WDR26: variants seen among roughly 807,000 people sequenced by gnomAD.
WDR26 encodes the protein WD repeat-containing protein 26.
A neutral mutation model predicts 84.1 loss-of-function variants in WDR26; 5 were observed. That is an observed-to-expected ratio of 0.06 (90% CI 0.03 to 0.13). The LOEUF (loss-of-function observed/expected upper bound fraction) is 0.13. WDR26 is among the 10% of genes least tolerant of loss of function. The pLI is 1.00. For missense variants in WDR26, 642 were observed against 974.9 expected (o/e 0.66, Z 4.55); for synonymous variants, 415 against 389.6 (o/e 1.07, Z -0.77).
intron 1 of WDR26, 143 bp downstream of exon 1, chr1:224,433,541 G>A: frequency 8.5e-7 from 1 of 1,182,840 alleles, no homozygotes; most frequent in Non-Finnish European, 1.1e-6. Flanking sequence ...GTCCTCCTGT[G>A]TACTGGGTCC....
chr1:224,417,516 T>C (rs1673939431), intron 6 of WDR26, among the ~76,000 whole-genome samples: 1 of 152,140 alleles, frequency 6.6e-6, no homozygotes, highest in Non-Finnish European at 1.5e-5. Flanking sequence ...CAAGACCAGC[T>C]GGGGCAAGAG....
chr1:224,427,103 CCAAAAA>C (rs1482682375), intron 3 of WDR26, among the ~76,000 whole-genome samples: 11 of 91,162 alleles, frequency 1.2e-4, no homozygotes, highest in African/African-American at 3.5e-4. Flanking sequence ...AACTCTGTCT[CCAAAAA>C]AAAAAAAAAA....
intron 12 of WDR26, among the ~76,000 whole-genome samples, chr1:224,396,981 C>A (rs1206050595): frequency 6.6e-6 from 1 of 152,138 alleles, no homozygotes; most frequent in Non-Finnish European, 1.5e-5. Flanking sequence ...CTCTCTTTGT[C>A]CCAATCCTTA....
chr1:224,432,196 T>A (rs1674411647), intron 1 of WDR26, among the ~76,000 whole-genome samples: 1 of 152,252 alleles, frequency 6.6e-6, no homozygotes, highest in South Asian at 2.1e-4. Context: ...AGAGCTTATA[T>A]ATCCAGGTAT....
intron 12 of WDR26, among the ~76,000 whole-genome samples, chr1:224,396,901 GAAAAGAAA>G: frequency 3.0e-5 from 1 of 33,678 alleles, no homozygotes; most frequent in Admixed American, 8.7e-4. Flanking sequence ...AAAAAGAAAA[GAAAAGAAA>G]AGAAAAGAAA....
intron 3 of WDR26, among the ~76,000 whole-genome samples, chr1:224,427,079 G>T: frequency 7.3e-6 from 1 of 136,078 alleles, no homozygotes; most frequent in Non-Finnish European, 1.5e-5. Flanking sequence ...CTCTAGCCTG[G>T]GCAACGAGAG....
In WDR26 at chr1:224,428,694, C is replaced by G. The variant is rs557450697; in HGVS notation, c.927+2783G>C. Among the ~76,000 whole-genome samples, 7 of 150,186 alleles carry G rather than the reference C, an allele frequency of 4.7e-5. No homozygotes were observed. The South Asian group carries it at 1.5e-3, about 32-fold the overall frequency. On this transcript the variant is annotated intron_variant, in intron 3 of 13. Coordinates refer to ENST00000414423, the MANE Select transcript of WDR26 (RefSeq NM_001379403.1). ...GGTGGATCACCTGAGGTCAGGAGTT[C>G]GAGACCAGCCTGACCAACATGGTGA... is the stretch of plus-strand genomic sequence containing the variant.
intron 13 of WDR26, among the ~76,000 whole-genome samples, chr1:224,391,407 T>C (rs1434744183): frequency 6.6e-6 from 1 of 151,764 alleles, no homozygotes; most frequent in African/African-American, 2.4e-5. Flanking sequence ...TTAATTCTAC[T>C]GTTAAAATTT....
chr1:224,390,973 A>G (rs933385988), intron 13 of WDR26, among the ~76,000 whole-genome samples: 3 of 152,170 alleles, frequency 2.0e-5, no homozygotes, highest in African/African-American at 7.2e-5. Context: ...TATAAATGGA[A>G]TCATAATATG....
chr1:224,398,081 T>G lies in WDR26; in HGVS notation c.2074+16A>C. On this transcript the variant is annotated intron_variant, in intron 12 of 13. Transcript: ENST00000414423. Reference sequence around the variant, plus strand: ...TTTAATATCAACATATGTAAACTGATAAGGACACAATTTACCTTCACTGCC... The same window carrying G: ...TTTAATATCAACATATGTAAACTGAGAAGGACACAATTTACCTTCACTGCC... 6.2e-7 allele frequency: 1 copy of G among 1,610,736 alleles called. No homozygotes were observed.
At chr1:224,396,505 AACAG>A (rs759556227) in intron 12 of WDR26, among the ~76,000 whole-genome samples, 6 of 152,216 alleles carry the variant, frequency 3.9e-5, no homozygotes, top group South Asian at 2.1e-4. Flanking sequence ...ATATATTAAA[AACAG>A]ACAGACAAAA....
intron 6 of WDR26, chr1:224,413,289 C>T: frequency 7.3e-6 from 9 of 1,240,738 alleles, no homozygotes; most frequent in Non-Finnish European, 9.4e-6. Context: ...TTCCTTGCTT[C>T]TTTTCCCAAT....
chr1:224,430,449 A>T (rs1031986337), intron 3 of WDR26: 9 of 152,144 alleles, frequency 5.9e-5, no homozygotes, highest in Non-Finnish European at 1.3e-4. Flanking sequence ...CTCTAGGATT[A>T]TATTATTGTG....
At chr1:224,394,116 A>T (rs1341461371) in intron 12 of WDR26, 103 bp from the exon 13 acceptor site, 1 of 828,776 alleles carries the variant, frequency 1.2e-6, no homozygotes. Flanking sequence ...CTAGAACTTA[A>T]AGGGAAAATA....
At chr1:224,425,610 AG>A (rs748515054) in intron 3 of WDR26, among the ~76,000 whole-genome samples, 6 of 152,206 alleles carry the variant, frequency 3.9e-5, no homozygotes, top group Non-Finnish European at 8.8e-5. Context: ...ACAAGAGAAA[AG>A]GGATATTTAT....
In WDR26 at chr1:224,434,579, C is replaced by T. The variant is rs973949598; in HGVS notation, c.-174G>A. 2.1e-5 allele frequency: 10 copies of T among 477,184 alleles called. No individual in the cohort carries two copies. Among genetic ancestry groups the T allele is most frequent in the Non-Finnish European group, 2.7e-5 (10 of 368,874 alleles). The allele number at this position is 477,184 out of a possible 1,614,324, so 29.6% of individuals were successfully genotyped here. A position where few individuals can be genotyped will look rare whatever the true frequency, so the allele number is the denominator to read the frequency against. On this transcript the variant is annotated 5_prime_UTR_variant, in exon 1 of 14. Transcript: ENST00000414423. ...GGAGGATCCGGGCCCTTTCCCCCCC[C>T]CCTCCCGGAGGCAGCTCGGGGTGCG...
At chr1:224,428,442 T>A (rs1674291581) in intron 3 of WDR26, among the ~76,000 whole-genome samples, 1 of 152,208 alleles carries the variant, frequency 6.6e-6, no homozygotes, top group South Asian at 2.1e-4. Context: ...GACTTTAAAA[T>A]ATACTAGTTA....
Position 224,408,406 on chromosome 1 carries a change from C to A in WDR26, c.1458+3021G>T, listed in dbSNP as rs369497201. Among the ~76,000 whole-genome samples, 315 of 152,308 alleles carry A rather than the reference C, an allele frequency of 2.1e-3. 1 individual carries two copies. Among genetic ancestry groups the A allele is most frequent in the African/African-American group, 7.4e-3 (306 of 41,564 alleles). On this transcript the variant is annotated intron_variant, in intron 7 of 13. Coordinates refer to ENST00000414423, the MANE Select transcript of WDR26 (RefSeq NM_001379403.1). ...TGTCTACAGCAAAAGACCTGGCACA[C>A]AACAGGTGTTTAATAAATACTGGCT...
chr1:224,393,633 C>A (rs531983380), intron 13 of WDR26, among the ~76,000 whole-genome samples, 195 bp downstream of exon 13: 2 of 152,082 alleles, frequency 1.3e-5, no homozygotes, highest in Non-Finnish European at 2.9e-5. Context: ...ACTGTGCCCC[C>A]CAAAACAACC....
Sources: allele counts gnomAD v4.1 joint callset (sites outside exome capture counted in the v4.1 genomes callset), GRCh38; gene constraint gnomAD v4.1.1; transcripts MANE v1.5; gene names NCBI Gene and HGNC (gene_info 2026-07-23, HGNC 2026-07-21).